Variants in FGF1 observed in about 807,000 individuals in gnomAD.
The protein encoded by FGF1 is fibroblast growth factor 1, also known as beta-endothelial cell growth factor.
FGF1 carries 9 observed loss-of-function variants against 13.4 expected under a neutral mutation model. The ratio of observed to expected loss-of-function variants is 0.67; its 90% CI spans 0.40 to 1.17. The LOEUF (loss-of-function observed/expected upper bound fraction) is 1.17, where lower values mean the gene tolerates loss of function less well. FGF1 is among the 50% of genes most tolerant of loss of function. The pLI is 0.01. For synonymous variants in FGF1, 93 were observed against 79.0 expected (o/e 1.18, Z -0.94); for missense variants, 156 against 192.7 (o/e 0.81, Z 1.13).
At chr5:142,676,883 A>T (rs56807752) in intron 1 of FGF1, among the ~76,000 whole-genome samples, 316 of 152,026 alleles carry the variant, frequency 2.1e-3, no homozygotes, top group African/African-American at 7.0e-3. Context: ...ATTTAGAAAG[A>T]TCCCCATTTT....
At chr5:142,634,402 T>TA (rs1763916726) in intron 1 of FGF1, among the ~76,000 whole-genome samples, 1 of 152,196 alleles carries the variant, frequency 6.6e-6, no homozygotes, top group Non-Finnish European at 1.5e-5. Flanking sequence ...ACAGCCAAGT[T>TA]AAAAATGGCA....
chr5:142,606,251 GTT>G (rs70991771), intron 2 of FGF1, among the ~76,000 whole-genome samples: 4 of 87,022 alleles, frequency 4.6e-5, no homozygotes, highest in East Asian at 3.0e-4. Flanking sequence ...TGTGTATGTA[GTT>G]TTTTTTTTTA....
chr5:142,618,865 A>T (rs1303661600), intron 1 of FGF1, among the ~76,000 whole-genome samples: 1 of 151,866 alleles, frequency 6.6e-6, no homozygotes, highest in Non-Finnish European at 1.5e-5. Flanking sequence ...AGCTGGAAGG[A>T]AAGACTGTGA....
intron 2 of FGF1, among the ~76,000 whole-genome samples, chr5:142,608,942 C>A (rs1046559274): frequency 6.6e-6 from 1 of 151,872 alleles, no homozygotes; most frequent in African/African-American, 2.4e-5. Flanking sequence ...ACATTCCTGC[C>A]TGGAGACCTC....
At chr5:142,650,464 C>A (rs115255844) in intron 1 of FGF1, among the ~76,000 whole-genome samples, 1 of 152,178 alleles carries the variant, frequency 6.6e-6, no homozygotes, top group East Asian at 1.9e-4. Flanking sequence ...GTTTCCTCAT[C>A]GGCAGAAGGG....
intron 1 of FGF1, among the ~76,000 whole-genome samples, chr5:142,648,607 G>A (rs1241727511): frequency 7.4e-6 from 1 of 135,324 alleles, no homozygotes; most frequent in Non-Finnish European, 1.5e-5. Context: ...GTATACCTAT[G>A]TAACAAACCT....
chr5:142,675,777 G>T (rs970033472), intron 1 of FGF1, among the ~76,000 whole-genome samples: 1 of 152,182 alleles, frequency 6.6e-6, no homozygotes, highest in Non-Finnish European at 1.5e-5. Context: ...ACCTATAATA[G>T]CCTGTCCTTT....
At chr5:142,686,597 A>G (rs1192133264), upstream of FGF1, 2 of 152,256 alleles carry the variant, frequency 1.3e-5, no homozygotes, top group African/African-American at 4.8e-5. Flanking sequence ...AGGCTGCTGG[A>G]TGAAAGGGAG....
At chr5:142,661,995 G>A (rs1323050556) in intron 1 of FGF1, among the ~76,000 whole-genome samples, 3 of 151,482 alleles carry the variant, frequency 2.0e-5, no homozygotes, top group South Asian at 2.1e-4. Flanking sequence ...GCAAGACTGC[G>A]TCTCAAAAAA....
Position 142,593,344 on chromosome 5 carries a change from C to T in FGF1, c.*1946G>A, listed in dbSNP as rs1210713558. The T allele has an allele frequency of 2.6e-5, 4 of 152,018 alleles. No homozygotes were observed. Among genetic ancestry groups the T allele is most frequent in the Admixed American group, 1.3e-4 (2 of 15,278 alleles). 9.4% of individuals were successfully genotyped at this position (152,018 alleles called of 1,614,324 possible). Reference sequence around the variant, plus strand: ...AAACAGATTGATCTTATCCAAGTAACAAAAACAAAAAAGTTATGAAATTAT... The same window carrying T: ...AAACAGATTGATCTTATCCAAGTAATAAAAACAAAAAAGTTATGAAATTAT... On this transcript the variant is annotated 3_prime_UTR_variant, in exon 4 of 4. Coordinates refer to ENST00000337706, the MANE Select transcript of FGF1 (RefSeq NM_000800.5).
chr5:142,680,270 G>A (rs367966288), intron 1 of FGF1, among the ~76,000 whole-genome samples: 1 of 152,142 alleles, frequency 6.6e-6, no homozygotes, highest in Admixed American at 6.5e-5. Context: ...TGCCACAACT[G>A]TCTTCGACTC....
intron 1 of FGF1, among the ~76,000 whole-genome samples, chr5:142,661,341 A>T (rs985718658): frequency 1.8e-4 from 27 of 152,332 alleles, no homozygotes; most frequent in African/African-American, 6.3e-4. Flanking sequence ...GCACCCAATA[A>T]CAAGTGTTGG....
intron 1 of FGF1, among the ~76,000 whole-genome samples, chr5:142,648,985 G>A (rs1300046970): frequency 6.6e-6 from 1 of 152,170 alleles, no homozygotes; most frequent in Non-Finnish European, 1.5e-5. Flanking sequence ...AGGAAACAAG[G>A]CGACCAGGGG....
intron 1 of FGF1, among the ~76,000 whole-genome samples, chr5:142,678,568 T>G (rs936537457): frequency 1.6e-4 from 24 of 152,148 alleles, no homozygotes; most frequent in Non-Finnish European, 3.1e-4. Context: ...TCTGCCCCTT[T>G]CCAGGCTTGT....
Position 142,614,067 on chromosome 5 carries a change from C to G in FGF1, c.61G>C (p.Gly21Arg), listed in dbSNP as rs745732625. 6.2e-7 allele frequency: 1 copy of G among 1,614,204 alleles called. No homozygotes were observed. Among genetic ancestry groups the G allele is most frequent in the East Asian group, 2.2e-5 (1 of 44,884 alleles). ...ALTEKFNLPP[G>R]NYKKPKLLYC... ...AGGAGTTTGGGCTTCTTGTAATTCC[C>G]TGGAGGCAGATTAAACTTCTCGGTC... Residue 21 changes from glycine to arginine, a missense_variant, in exon 2 of 4, where the codon GGG becomes CGG. By Grantham distance (125) the Gly-to-Arg change is moderately radical. Transcript: ENST00000337706.
At chr5:142,618,239 C>T (rs574595153) in intron 1 of FGF1, among the ~76,000 whole-genome samples, 2 of 152,102 alleles carry the variant, frequency 1.3e-5, no homozygotes, top group Admixed American at 1.3e-4. Flanking sequence ...AACACCAAGC[C>T]TATTGGAACA....
chr5:142,596,456 T>A (rs997251183), intron 3 of FGF1, among the ~76,000 whole-genome samples: 7 of 147,068 alleles, frequency 4.8e-5, no homozygotes, highest in East Asian at 2.0e-4. Flanking sequence ...TTTTTTTTTT[T>A]AATTAGCTAG....
At chr5:142,645,654 A>G (rs1018031699) in intron 1 of FGF1, among the ~76,000 whole-genome samples, 5 of 152,200 alleles carry the variant, frequency 3.3e-5, no homozygotes, top group Admixed American at 2.6e-4. Flanking sequence ...CATGTAATCA[A>G]CATTCAGTAG....
At chr5:142,634,972 G>T (rs17223444) in intron 1 of FGF1, among the ~76,000 whole-genome samples, 154 of 151,944 alleles carry the variant, frequency 1.0e-3, no homozygotes, top group African/African-American at 3.6e-3. Context: ...TCCCCAGGTC[G>T]ATTGCTCGTT....
Sources: gnomAD v4.1 joint callset for allele counts (sites outside exome capture counted in the v4.1 genomes callset) on GRCh38, gnomAD v4.1.1 for gene constraint, MANE v1.5 for transcripts, NCBI Gene and HGNC (gene_info 2026-07-23, HGNC 2026-07-21) for gene names.